Variants in RAB4A observed in about 807,000 individuals in gnomAD.
The protein encoded by RAB4A is RAB4A, member RAS oncogene family.
Under a neutral mutation model 34.5 loss-of-function variants are expected in RAB4A, and 20 were observed. The ratio of observed to expected loss-of-function variants is 0.58; its 90% CI spans 0.41 to 0.84. The LOEUF (loss-of-function observed/expected upper bound fraction) is 0.84, where lower values mean the gene tolerates loss of function less well. RAB4A is among the 40% of genes least tolerant of loss of function. The probability of loss-of-function intolerance (pLI) is 0.00; values close to 1 mark genes in which losing one functional copy is unlikely to be tolerated. For synonymous variants in RAB4A, 102 were observed against 100.0 expected (o/e 1.02, Z -0.12); for missense variants, 228 against 274.5 (o/e 0.83, Z 1.20).
chr1:229,300,314 G>A (rs1657348161), intron 6 of RAB4A, among the ~76,000 whole-genome samples: 1 of 152,166 alleles, frequency 6.6e-6, no homozygotes, highest in South Asian at 2.1e-4. Context: ...GTATGTAGGA[G>A]GTTATGTTGA....
At chr1:229,298,591 T>G (rs1242405426) in intron 5 of RAB4A, among the ~76,000 whole-genome samples, 2 of 152,214 alleles carry the variant, frequency 1.3e-5, no homozygotes. Context: ...TAAACACTTG[T>G]AGGTCATATT....
At chr1:229,295,590 TAGG>T (rs1479125568) in intron 3 of RAB4A, among the ~76,000 whole-genome samples, 2 of 152,190 alleles carry the variant, frequency 1.3e-5, no homozygotes, top group Non-Finnish European at 2.9e-5. Context: ...CTCACCCTGC[TAGG>T]AGTTCTCAAA....
rs186731000 is a variant in RAB4A, at chr1:229,290,679, A to C, written c.227+1836A>C. On this transcript the variant is annotated intron_variant, in intron 3 of 7. Coordinates refer to ENST00000366690, the MANE Select transcript of RAB4A (RefSeq NM_004578.4). ...AACTTTGAGGGAGTAAGAAAAACAC[A>C]CTAAAACCACAGTATCCTTAGGAAG... Among the ~76,000 whole-genome samples the C allele has an allele frequency of 4.6e-5, 7 of 152,334 alleles. No homozygotes were observed. In the East Asian group the frequency reaches 1.4e-3, roughly 29 times the overall value.
At chr1:229,295,087 G>A (rs1657204717) in intron 3 of RAB4A, among the ~76,000 whole-genome samples, 1 of 151,582 alleles carries the variant, frequency 6.6e-6, no homozygotes, top group Non-Finnish European at 1.5e-5. Flanking sequence ...AGCCTCCTGA[G>A]TAGCTGGGAT....
chr1:229,299,524 A>G (rs890880835), intron 6 of RAB4A, among the ~76,000 whole-genome samples: 4 of 152,162 alleles, frequency 2.6e-5, no homozygotes, highest in Non-Finnish European at 4.4e-5. Context: ...GTCCAGAGTA[A>G]TTTTATTTCT....
intron 2 of RAB4A, among the ~76,000 whole-genome samples, chr1:229,288,013 T>C (rs1269115094): frequency 6.6e-6 from 1 of 152,216 alleles, no homozygotes; most frequent in East Asian, 1.9e-4. Context: ...TCCTGCCCAT[T>C]CAAATAGTAC....
chr1:229,305,568 T>C lies in RAB4A; in HGVS notation c.*1775T>C. 1.1e-5 allele frequency: 3 copies of C among 266,990 alleles called. No individual in the cohort carries two copies. Among genetic ancestry groups the C allele is most frequent in the Non-Finnish European group, 2.1e-5 (3 of 140,746 alleles). The allele number at this position is 266,990 out of a possible 1,614,324, so 16.5% of individuals were successfully genotyped here. On this transcript the variant is annotated 3_prime_UTR_variant, in exon 8 of 8. Transcript: ENST00000366690. Reference sequence around the variant, plus strand: ...ATGAGGAGGAGAGATAATTGGGTATTGTTCAGGCTAGTAATAAATGTCATG... The same window carrying C: ...ATGAGGAGGAGAGATAATTGGGTATCGTTCAGGCTAGTAATAAATGTCATG...
At chr1:229,280,772 A>G (rs1379200892) in intron 1 of RAB4A, among the ~76,000 whole-genome samples, 2 of 152,180 alleles carry the variant, frequency 1.3e-5, no homozygotes, top group African/African-American at 2.4e-5. Context: ...TTTTATAGGC[A>G]CAGACTTCCT....
At chr1:229,273,295 C>T (rs574725148) in intron 1 of RAB4A, among the ~76,000 whole-genome samples, 1 of 152,328 alleles carries the variant, frequency 6.6e-6, no homozygotes, top group Admixed American at 6.5e-5. Context: ...AACTTTTGAG[C>T]TTCACAGATT....
chr1:229,304,932 ATATGGTGGAACC>A lies in RAB4A; in HGVS notation c.*1141_*1152del. On this transcript the variant is annotated 3_prime_UTR_variant, in exon 8 of 8. Transcript: ENST00000366690. Reference sequence around the variant, plus strand: ...ATTTTAAAATGTCAGTGCAAAAAATATATGGTGGAACCTTTCTTTAAAGTTGAAATGCAGTAT... The same window carrying A: ...ATTTTAAAATGTCAGTGCAAAAAATATTTCTTTAAAGTTGAAATGCAGTAT... The A allele has an allele frequency of 2.2e-6, 1 of 453,770 alleles. No homozygotes were observed. Among genetic ancestry groups the A allele is most frequent in the Non-Finnish European group, 3.5e-6 (1 of 285,200 alleles). The allele number at this position is 453,770 out of a possible 1,614,324, so 28.1% of individuals were successfully genotyped here.
intron 6 of RAB4A, among the ~76,000 whole-genome samples, chr1:229,302,377 G>T (rs1409493865): frequency 7.4e-6 from 1 of 135,688 alleles, no homozygotes; most frequent in Non-Finnish European, 1.6e-5. Context: ...GGAATTGCTG[G>T]GTCAGAGAAC....
At chr1:229,290,109 G>A (rs1182571791) in intron 3 of RAB4A, among the ~76,000 whole-genome samples, 1 of 152,206 alleles carries the variant, frequency 6.6e-6, no homozygotes, top group African/African-American at 2.4e-5. Context: ...CTTAAGTACT[G>A]TAATGGGGGA....
At position 229,302,983 on chromosome 1, in the gene RAB4A, C is replaced by T; in HGVS notation, c.*6C>T. On this transcript the variant is annotated 3_prime_UTR_variant, in exon 7 of 8. Transcript: ENST00000366690. The stretch of plus-strand genomic sequence containing the variant: ...CTCAGGAGTGTGGTTGTTAGGAGAG[C>T]ACACAGGTGGGTTTGGACACCTCCC... 6.2e-7 allele frequency: 1 copy of T among 1,611,462 alleles called. No individual in the cohort carries two copies. The highest frequency in any genetic ancestry group is 1.3e-5 in the African/African-American group (1 of 74,920).
Position 229,303,043 on chromosome 1 carries a change from C to T in RAB4A, c.*12+54C>T. On this transcript the variant is annotated intron_variant, in intron 7 of 7. Transcript: ENST00000366690. ...TTCCTGGCAAGCTCAAGTGCAGAGG[C>T]CTGTTAAAGCTTTGGGAAGCTGCAG... 6.3e-6 allele frequency: 8 copies of T among 1,266,920 alleles called. No individual in the cohort carries two copies. The South Asian group carries it at 9.8e-5, about 16-fold the overall frequency. The allele number at this position is 1,266,920 out of a possible 1,614,324, so 78.5% of individuals were successfully genotyped here. A position where few individuals can be genotyped will look rare whatever the true frequency, so the allele number is the denominator to read the frequency against.
chr1:229,291,580 C>G (rs934960424), intron 3 of RAB4A, among the ~76,000 whole-genome samples: 3 of 152,168 alleles, frequency 2.0e-5, no homozygotes, highest in Non-Finnish European at 4.4e-5. Context: ...CTGTAAGATC[C>G]ATGAGTGTAA....
chr1:229,292,761 G>GTC (rs1342713673), intron 3 of RAB4A, among the ~76,000 whole-genome samples: 2 of 152,188 alleles, frequency 1.3e-5, no homozygotes, highest in African/African-American at 4.8e-5. Context: ...TGTTCTCCAA[G>GTC]GATAGTTCAT....
chr1:229,281,298 A>G (rs1200948698), intron 1 of RAB4A, among the ~76,000 whole-genome samples: 2 of 152,140 alleles, frequency 1.3e-5, no homozygotes, highest in Non-Finnish European at 2.9e-5. Flanking sequence ...TTTGCTTGAC[A>G]TATTTTACAG....
At chr1:229,285,717 T>C (rs1328769017) in intron 1 of RAB4A, among the ~76,000 whole-genome samples, 1 of 152,168 alleles carries the variant, frequency 6.6e-6, no homozygotes, top group East Asian at 1.9e-4. Context: ...CCCGAGCTCC[T>C]AAGCTCCTAA....
At position 229,278,232 on chromosome 1, in the gene RAB4A, C is replaced by T. The variant is rs76777568; in HGVS notation, c.31+6862C>T. ...AGACTCATGGCTTTTCCTTCCACCT[C>T]GTCCTTCTTTTTCTTTCAACTACAC... On this transcript the variant is annotated intron_variant, in intron 1 of 7. Transcript: ENST00000366690. 3.1e-4 allele frequency among the ~76,000 whole-genome samples: 47 copies of T among 152,270 alleles called. No homozygotes were observed. The East Asian group carries it at 7.5e-3, about 24-fold the overall frequency.
Sources: allele counts gnomAD v4.1 joint callset (sites outside exome capture counted in the v4.1 genomes callset), GRCh38; gene constraint gnomAD v4.1.1; transcripts MANE v1.5; gene names NCBI Gene and HGNC (gene_info 2026-07-23, HGNC 2026-07-21).